MSI2: variants seen among roughly 807,000 people sequenced by gnomAD.
MSI2 encodes RNA-binding protein Musashi homolog 2.
MSI2 carries 17 observed loss-of-function variants against 45.6 expected under a neutral mutation model. The ratio of observed to expected loss-of-function variants is 0.37; its 90% CI spans 0.26 to 0.56. MSI2 has a LOEUF of 0.56. Among genes scored for constraint, MSI2 ranks in the 20% least tolerant of loss-of-function variants. MSI2 has a pLI of 0.77. For missense variants in MSI2, 293 were observed against 444.2 expected (o/e 0.66, Z 3.06); for synonymous variants, 156 against 158.2 (o/e 0.99, Z 0.11).
chr17:57,377,471 A>T (rs2083519491), intron 5 of MSI2, among the ~76,000 whole-genome samples: 1 of 152,152 alleles, frequency 6.6e-6, no homozygotes, highest in Non-Finnish European at 1.5e-5. Context: ...GTGAGCAGGG[A>T]TTCTCCACAG....
chr17:57,603,672 A>G (rs1598440449), intron 8 of MSI2, among the ~76,000 whole-genome samples: 1 of 152,096 alleles, frequency 6.6e-6, no homozygotes, highest in Non-Finnish European at 1.5e-5. Flanking sequence ...TGTCACATCT[A>G]CTCAGCCCTG....
intron 5 of MSI2, among the ~76,000 whole-genome samples, chr17:57,311,726 A>T (rs965264230): frequency 3.9e-5 from 6 of 152,028 alleles, no homozygotes; most frequent in Admixed American, 3.3e-4. Flanking sequence ...GGTAATTTTT[A>T]AAATTTTTTT....
rs1215647691 is a variant in MSI2 at position 57,612,315 on chromosome 17, C to A, written c.538-3655C>A. 2.1e-5 allele frequency among the ~76,000 whole-genome samples: 2 copies of A among 94,324 alleles called. 1 individual carries two copies. The highest frequency in any genetic ancestry group is 6.6e-5 in the African/African-American group (2 of 30,230). 61.9% of individuals were successfully genotyped at this position (94,324 alleles called of 152,430 possible). A position where few individuals can be genotyped will look rare whatever the true frequency, so the allele number is the denominator to read the frequency against. ...TTATTTATCTTTGGGTCCCCAAAGCCTAGCACTTGCCTGGCGTGTTGAGTT... is the reference window on the plus strand; with the variant it reads ...TTATTTATCTTTGGGTCCCCAAAGCATAGCACTTGCCTGGCGTGTTGAGTT... On this transcript the variant is annotated intron_variant, in intron 8 of 13. Transcript: ENST00000284073.
At chr17:57,276,144 G>T (rs1408842754) in intron 5 of MSI2, among the ~76,000 whole-genome samples, 1 of 152,192 alleles carries the variant, frequency 6.6e-6, no homozygotes, top group Non-Finnish European at 1.5e-5. Context: ...AAGGCTGAAG[G>T]AGGAGGGACA....
Position 57,627,569 on chromosome 17 carries a change from G to C in MSI2, c.727+266G>C. On this transcript the variant is annotated intron_variant, in intron 10 of 13. Transcript: ENST00000284073. The surrounding 1 kb of genome is among the most constrained non-coding windows in gnomAD (Gnocchi z 4.6). ...CAGAACGGAGGCAGGAGGCCTCCCT[G>C]TGCTCACCTCCTTTTTCTGAAGCCT... The C allele has an allele frequency of 1.9e-6, 1 of 527,242 alleles. No individual in the cohort carries two copies. The highest frequency in any genetic ancestry group is 2.4e-5 in the South Asian group (1 of 41,950). 32.7% of individuals were successfully genotyped at this position (527,242 alleles called of 1,614,324 possible).
chr17:57,644,292 T>C (rs1767488783), intron 10 of MSI2, among the ~76,000 whole-genome samples: 1 of 151,354 alleles, frequency 6.6e-6, no homozygotes, highest in African/African-American at 2.4e-5. Flanking sequence ...TGTAAGTGTG[T>C]CCCTTTGGTT....
chr17:57,583,172 T>G (rs960574826), intron 7 of MSI2, among the ~76,000 whole-genome samples: 2 of 152,232 alleles, frequency 1.3e-5, no homozygotes, highest in African/African-American at 4.8e-5. Flanking sequence ...CCATGTTTTC[T>G]TTGCAGTTAC....
intron 5 of MSI2, among the ~76,000 whole-genome samples, chr17:57,297,049 A>G (rs1329447964): frequency 6.6e-6 from 1 of 151,800 alleles, no homozygotes; most frequent in Non-Finnish European, 1.5e-5. Context: ...TAATTTTTGT[A>G]TTTTTAGTAG....
At chr17:57,641,998 T>C (rs1159295154) in intron 10 of MSI2, among the ~76,000 whole-genome samples, 2 of 152,224 alleles carry the variant, frequency 1.3e-5, no homozygotes, top group South Asian at 2.1e-4. Flanking sequence ...TTGTAATGTG[T>C]CAGCCATTCT....
intron 5 of MSI2, among the ~76,000 whole-genome samples, chr17:57,339,197 C>G (rs547384174): frequency 6.6e-6 from 1 of 152,306 alleles, no homozygotes; most frequent in South Asian, 2.1e-4. Flanking sequence ...AAGCAGCCCG[C>G]GAGGCACCAC....
chr17:57,415,103 T>C (rs1278177432), intron 6 of MSI2, among the ~76,000 whole-genome samples: 3 of 152,104 alleles, frequency 2.0e-5, no homozygotes, highest in Non-Finnish European at 2.9e-5. Flanking sequence ...GAGCGTTGAC[T>C]CATCTAGGCT....
chr17:57,352,640 G>A (rs1426671243), intron 5 of MSI2, among the ~76,000 whole-genome samples: 1 of 152,224 alleles, frequency 6.6e-6, no homozygotes, highest in South Asian at 2.1e-4. Flanking sequence ...AAGATAAAGG[G>A]TAGGGTCAGA....
At chr17:57,533,108 C>G (rs1028344063) in intron 7 of MSI2, among the ~76,000 whole-genome samples, 2 of 152,180 alleles carry the variant, frequency 1.3e-5, no homozygotes, top group Admixed American at 1.3e-4. Flanking sequence ...ACTCCTTGAC[C>G]CCACTGGTCA....
chr17:57,635,852 G>T (rs1909794333), intron 10 of MSI2, among the ~76,000 whole-genome samples: 1 of 152,272 alleles, frequency 6.6e-6, no homozygotes, highest in East Asian at 1.9e-4. Context: ...TCAGCAGAAA[G>T]GACGGCTGTG....
At chr17:57,399,891 C>T (rs1381240713) in intron 5 of MSI2, among the ~76,000 whole-genome samples, 1 of 152,232 alleles carries the variant, frequency 6.6e-6, no homozygotes, top group Admixed American at 6.5e-5. Flanking sequence ...CCAGTAACCA[C>T]TGTGCCCCCT....
At chr17:57,457,321 A>C (rs1265482385) in intron 6 of MSI2, among the ~76,000 whole-genome samples, 1 of 152,066 alleles carries the variant, frequency 6.6e-6, no homozygotes, top group Non-Finnish European at 1.5e-5. Flanking sequence ...GGGCATTGAG[A>C]GGTGTTAGGA....
intron 5 of MSI2, among the ~76,000 whole-genome samples, chr17:57,357,187 CT>C (rs1403559433): frequency 1.3e-5 from 2 of 152,136 alleles, no homozygotes; most frequent in African/African-American, 4.8e-5. Flanking sequence ...AAAGACCCTG[CT>C]TTCTCCCCAA....
At chr17:57,291,508 C>T (rs560027954) in intron 5 of MSI2, among the ~76,000 whole-genome samples, 1 of 152,288 alleles carries the variant, frequency 6.6e-6, no homozygotes, top group East Asian at 1.9e-4. Flanking sequence ...AGCAGCGAGG[C>T]TTTTAATGTT....
chr17:57,436,360 C>T (rs1265647698), intron 6 of MSI2, among the ~76,000 whole-genome samples: 2 of 152,178 alleles, frequency 1.3e-5, no homozygotes, highest in African/African-American at 4.8e-5. Flanking sequence ...TAAATATCTT[C>T]TATTGAAAAT....
Sources: gnomAD v4.1 joint callset for allele counts (sites outside exome capture counted in the v4.1 genomes callset) on GRCh38, gnomAD v4.1.1 for gene constraint, Gnocchi (gnomAD v3.1) non-coding constraint, MANE v1.5 for transcripts, NCBI Gene and HGNC (gene_info 2026-07-23, HGNC 2026-07-21) for gene names.